The following PDE9A variants were observed in gnomAD, a reference collection of about 807,000 sequenced individuals.
PDE9A encodes the protein high affinity cGMP-specific 3',5'-cyclic phosphodiesterase 9A.
PDE9A carries 60 observed loss-of-function variants against 87.4 expected under a neutral mutation model. The ratio of observed to expected loss-of-function variants is 0.69; its 90% CI spans 0.56 to 0.85. The LOEUF (loss-of-function observed/expected upper bound fraction) is 0.85. Among genes scored for constraint, PDE9A ranks in the 40% least tolerant of loss-of-function variants. PDE9A has a pLI of 0.00. For synonymous variants in PDE9A, 272 were observed against 279.4 expected (o/e 0.97, Z 0.27); for missense variants, 665 against 779.0 (o/e 0.85, Z 1.74).
Position 42,768,197 on chromosome 21 carries a change from A to T in PDE9A, c.1366A>T (p.Ile456Phe). The change falls in exon 16 of 20, where the codon ATT (isoleucine) becomes TTT (phenylalanine). Residue 456 changes from isoleucine to phenylalanine, a missense_variant. Physicochemically the swap from Ile to Phe is conservative, Grantham distance 21 (BLOSUM62 0). Coordinates refer to ENST00000291539, the MANE Select transcript of PDE9A (RefSeq NM_002606.3). ...NEEHMTLLKM[I>F]LIKCCDISNE... is the part of the protein sequence containing the mutation. Reference sequence around the variant, plus strand: ...AAATCTCTTCTTTCAGCTGAAGATGATTTTGATAAAATGCTGTGATATCTC... The same window carrying T: ...AAATCTCTTCTTTCAGCTGAAGATGTTTTTGATAAAATGCTGTGATATCTC... 1 of 1,603,954 alleles carries T rather than the reference A, an allele frequency of 6.2e-7. No individual in the cohort carries two copies. The highest frequency in any genetic ancestry group is 8.5e-7 in the Non-Finnish European group (1 of 1,170,622).
intron 1 of PDE9A, among the ~76,000 whole-genome samples, chr21:42,682,964 A>G (rs935362322): frequency 3.2e-4 from 48 of 152,342 alleles, no homozygotes; most frequent in African/African-American, 1.1e-3. Context: ...GAGGAAGGAG[A>G]GCAGATGGTG....
rs60925435 is a variant in PDE9A at position 42,742,457 on chromosome 21, CTTTTTTTTTTTT to C, written c.569-1304_569-1293del. On this transcript the variant is annotated intron_variant, in intron 7 of 19. Coordinates refer to ENST00000291539, the MANE Select transcript of PDE9A (RefSeq NM_002606.3). ...AATCATAGGGAGTTGAAGCTGTCTG[CTTTTTTTTTTTT>C]TTTTTTTTTTTTTTGAGACAGAGTC... is the stretch of plus-strand genomic sequence containing the variant. 6.0e-3 allele frequency among the ~76,000 whole-genome samples: 429 copies of C among 71,558 alleles called. 2 individuals are homozygous for C. The highest frequency in any genetic ancestry group is 0.028 in the African/African-American group (410 of 14,694). 46.9% of individuals were successfully genotyped at this position (71,558 alleles called of 152,430 possible).
intron 1 of PDE9A, among the ~76,000 whole-genome samples, chr21:42,683,919 G>A (rs2059306879): frequency 1.3e-5 from 2 of 152,200 alleles, no homozygotes; most frequent in South Asian, 2.1e-4. Flanking sequence ...GGGGTGGGGC[G>A]AGGACTTTAT....
chr21:42,664,409 C>T (rs970813281), intron 1 of PDE9A, among the ~76,000 whole-genome samples: 2 of 152,170 alleles, frequency 1.3e-5, no homozygotes, highest in Admixed American at 6.5e-5. Flanking sequence ...AGCCCAGATC[C>T]AGGGAGACAG....
chr21:42,754,538 T>C (rs2054817883), intron 10 of PDE9A, among the ~76,000 whole-genome samples: 1 of 152,250 alleles, frequency 6.6e-6, no homozygotes, highest in Non-Finnish European at 1.5e-5. Flanking sequence ...CATGTGGGAT[T>C]CCGGGAACTG....
chr21:42,655,453 G>C (rs1300532713), intron 1 of PDE9A, among the ~76,000 whole-genome samples: 1 of 152,070 alleles, frequency 6.6e-6, no homozygotes, highest in Non-Finnish European at 1.5e-5. Context: ...TGTTATTGTG[G>C]GCAGGGTAGC....
At chr21:42,670,407 CATACAT>C (rs879468662) in intron 1 of PDE9A, among the ~76,000 whole-genome samples, 30,857 of 141,374 alleles carry the variant, frequency 0.22, 5,483 homozygotes, top group African/African-American at 0.54. Flanking sequence ...AACATTCACA[CATACAT>C]TCACACGCAC....
At chr21:42,747,442 T>A (rs2053981282) in intron 8 of PDE9A, among the ~76,000 whole-genome samples, 1 of 152,176 alleles carries the variant, frequency 6.6e-6, no homozygotes, top group African/African-American at 2.4e-5. Flanking sequence ...ATGGCCAGTG[T>A]GAGCCTGAAA....
intron 18 of PDE9A, 60 bp from the exon 19 acceptor site, chr21:42,772,379 G>A: frequency 1.8e-6 from 2 of 1,121,030 alleles, no homozygotes; most frequent in Non-Finnish European, 2.6e-6. Flanking sequence ...TGGGAGAGAG[G>A]CAGACACTCC....
At chr21:42,762,314 T>TGGAAGCTCCC (rs2055878507) in intron 14 of PDE9A, 75 bp downstream of exon 14, 1 of 1,490,994 alleles carries the variant, frequency 6.7e-7, no homozygotes, top group African/African-American at 1.4e-5. Flanking sequence ...CTCCATTGGC[T>TGGAAGCTCCC]GGAAGCTCCC....
chr21:42,734,825 A>C (rs2052220234), intron 7 of PDE9A: 1 of 152,214 alleles, frequency 6.6e-6, no homozygotes, highest in South Asian at 2.1e-4. Flanking sequence ...AGGTAACCTC[A>C]AGTTCACTCA....
In PDE9A at chr21:42,660,918, C is replaced by T. The variant is rs780768096; in HGVS notation, c.69+7035C>T. ...TCTCCCCAAATCCCGAAGCTGGTCA[C>T]GCAACGGGAGCATTGGCCCTGAACA... On this transcript the variant is annotated intron_variant, in intron 1 of 19. Coordinates refer to ENST00000291539, the MANE Select transcript of PDE9A (RefSeq NM_002606.3). The surrounding 1 kb of genome is among the most constrained non-coding windows in gnomAD (Gnocchi z 4.7). 1.3e-5 allele frequency among the ~76,000 whole-genome samples: 2 copies of T among 152,150 alleles called. No homozygotes were observed. The highest frequency in any genetic ancestry group is 6.5e-5 in the Admixed American group (1 of 15,274).
At chr21:42,758,858 C>A in intron 10 of PDE9A, 141 bp from the exon 11 acceptor site, 1 of 627,480 alleles carries the variant, frequency 1.6e-6, no homozygotes, top group Non-Finnish European at 2.9e-6. Context: ...CTTTGCTCTC[C>A]AGGGACTTTC....
intron 7 of PDE9A, among the ~76,000 whole-genome samples, chr21:42,738,510 AGCTCGGCTCTCCCCACCCTCCG>A (rs2052725635): frequency 6.6e-6 from 1 of 151,884 alleles, no homozygotes; most frequent in Non-Finnish European, 1.5e-5. Context: ...CCCGACCCCC[AGCTCGGCTCTCCCCACCCTCCG>A]GCTCGGCTCT....
At chr21:42,741,051 G>T (rs1172043967) in intron 7 of PDE9A, 1 of 152,200 alleles carries the variant, frequency 6.6e-6, no homozygotes, top group African/African-American at 2.4e-5. Flanking sequence ...TGCCCTGTTT[G>T]CAGTCTACAC....
intron 6 of PDE9A, among the ~76,000 whole-genome samples, chr21:42,732,744 G>A (rs868088889): frequency 8.5e-5 from 13 of 152,166 alleles, no homozygotes; most frequent in Middle Eastern, 3.4e-3. Context: ...GAGAAACCCC[G>A]TCTCTACGAA....
chr21:42,740,353 A>G (rs1602382349), intron 7 of PDE9A, among the ~76,000 whole-genome samples: 1 of 152,046 alleles, frequency 6.6e-6, no homozygotes, highest in Non-Finnish European at 1.5e-5. Context: ...CTGAAGTGGC[A>G]GGATCACTTG....
chr21:42,670,935 T>C (rs1311792349), intron 1 of PDE9A, among the ~76,000 whole-genome samples: 1 of 151,966 alleles, frequency 6.6e-6, no homozygotes. Context: ...GCCATGTATT[T>C]CCTGAACACA....
intron 10 of PDE9A, 110 bp from the exon 11 acceptor site, chr21:42,758,889 T>A: frequency 1.3e-6 from 1 of 761,122 alleles, no homozygotes; most frequent in South Asian, 1.6e-5. Context: ...AGAACCCACC[T>A]CCTGCCAACG....
Sources: gnomAD v4.1 joint callset for allele counts (sites outside exome capture counted in the v4.1 genomes callset) on GRCh38, gnomAD v4.1.1 for gene constraint, Gnocchi (gnomAD v3.1) non-coding constraint, MANE v1.5 for transcripts, NCBI Gene and HGNC (gene_info 2026-07-23, HGNC 2026-07-21) for gene names.